The following FRMPD2 variants were observed in gnomAD, a reference collection of about 807,000 sequenced individuals.
The protein encoded by FRMPD2 is FERM and PDZ domain-containing protein 2.
Under a neutral mutation model 140.1 loss-of-function variants are expected in FRMPD2, and 96 were observed. That is an observed-to-expected ratio of 0.69 (90% CI 0.58 to 0.81). The LOEUF (loss-of-function observed/expected upper bound fraction) is 0.81, where lower values mean the gene tolerates loss of function less well. FRMPD2 is among the 40% of genes least tolerant of loss of function. The pLI, the probability that FRMPD2 is intolerant of heterozygous loss-of-function variation, is 0.00. For missense variants in FRMPD2, 1,240 were observed against 1,447.4 expected, an observed-to-expected ratio of 0.86 and a Z score of 2.32; for synonymous variants, 449 against 547.6, an observed-to-expected ratio of 0.82 and a Z score of 2.52.
At chr10:48,239,564 T>C in intron 7 of FRMPD2, 41 bp downstream of exon 7, 3 of 1,455,512 alleles carry the variant, frequency 2.1e-6, no homozygotes, top group South Asian at 1.2e-5. Context: ...CACCTATGTC[T>C]CACATCAAGT....
intron 20 of FRMPD2, among the ~76,000 whole-genome samples, chr10:48,183,748 A>C (rs917051028): frequency 3.5e-4 from 53 of 150,692 alleles, no homozygotes; most frequent in African/African-American, 1.1e-3. Flanking sequence ...GCTACTCAGG[A>C]GGCTGAGGCA....
In FRMPD2 at chr10:48,249,159, A is replaced by G. The variant is rs440943; in HGVS notation, c.171T>C (p.Val57=). 29,139 of 1,613,950 alleles carry G rather than the reference A, an allele frequency of 0.018. 4,268 individuals carry two copies. In the African/African-American group the frequency reaches 0.33, roughly 18 times the overall value. ...CAGAAAGCAGGGCTGACCAGGGGCA[A>G]ACCACATAGTCCGAGGAATCTGAAA... is the stretch of plus-strand genomic sequence containing the variant. ...DLRNDSSDYV[V]CPWSALLSAA... is the part of the protein sequence containing the mutation. Residue 57 remains valine (V), a synonymous_variant, in exon 3 of 29, where the codon GTT becomes GTC. Coordinates refer to ENST00000374201, the MANE Select transcript of FRMPD2 (RefSeq NM_001018071.4).
chr10:48,202,134 A>G (rs1393536344), intron 14 of FRMPD2, among the ~76,000 whole-genome samples: 3 of 152,206 alleles, frequency 2.0e-5, no homozygotes, highest in South Asian at 2.1e-4. Context: ...AATTTTTGCA[A>G]TATATTATTC....
At chr10:48,215,819 T>C (rs577569462) in intron 12 of FRMPD2, among the ~76,000 whole-genome samples, 1 of 152,252 alleles carries the variant, frequency 6.6e-6, no homozygotes, top group South Asian at 2.1e-4. Context: ...TAATGGAGTG[T>C]TGGTGCTGGT....
rs531666235 is a variant in FRMPD2, at chr10:48,235,821, TG to T, written c.993+660del. ...CAGATATGTTCTGGGGAGCTCAGGGTGAGACCAGCCACACATGGGGCTCTGC... is the reference window on the plus strand; with the variant it reads ...CAGATATGTTCTGGGGAGCTCAGGGTAGACCAGCCACACATGGGGCTCTGC... On this transcript the variant is annotated intron_variant, in intron 9 of 28. Coordinates refer to ENST00000374201, the MANE Select transcript of FRMPD2 (RefSeq NM_001018071.4). Among the ~76,000 whole-genome samples the T allele has an allele frequency of 7.2e-3, 1,098 of 152,106 alleles. 11 individuals are homozygous for T. Among genetic ancestry groups the T allele is most frequent in the Middle Eastern group, 0.027 (8 of 294 alleles).
chr10:48,178,227 A>G, intron 21 of FRMPD2, 76 bp from the exon 22 acceptor site: 8 of 1,081,626 alleles, frequency 7.4e-6, no homozygotes, highest in Non-Finnish European at 1.1e-5. Context: ...TGCTCTCAGG[A>G]GCAGGCAGCA....
chr10:48,192,173 GC>G (rs527520078), intron 16 of FRMPD2, among the ~76,000 whole-genome samples: 3 of 152,208 alleles, frequency 2.0e-5, no homozygotes, highest in Non-Finnish European at 4.4e-5. Flanking sequence ...TGAGAGGTTG[GC>G]CCTAGAGTGT....
chr10:48,273,650 A>G (rs1418123954), intron 1 of FRMPD2, among the ~76,000 whole-genome samples: 1 of 152,102 alleles, frequency 6.6e-6, no homozygotes, highest in East Asian at 1.9e-4. Flanking sequence ...TATCACCGCC[A>G]GTTTTCATGC....
chr10:48,237,376 C>G (rs1455092165), intron 8 of FRMPD2, among the ~76,000 whole-genome samples: 2 of 152,102 alleles, frequency 1.3e-5, no homozygotes, highest in Non-Finnish European at 2.9e-5. Flanking sequence ...CGCCCTCCAC[C>G]AAGTTCATGG....
At chr10:48,194,741 A>C (rs79251916) in intron 15 of FRMPD2, among the ~76,000 whole-genome samples, 2,466 of 152,226 alleles carry the variant, frequency 0.016, 66 homozygotes, top group African/African-American at 0.055. Flanking sequence ...CCTGGGTGTC[A>C]AGCACTCAGC....
chr10:48,242,352 G>A lies in FRMPD2; in HGVS notation c.376C>T (p.Pro126Ser), dbSNP rs1840139366. ...TGCAGGGGCTCGCAGAGCTGCAGGG[G>A]CTGGAGGCAGACAGGGCCGGTGAGA... ...SAGFHVPPHQ[P>S]LQLCEPLHSI... is the part of the protein sequence containing the mutation. Residue 126 changes from proline to serine, a missense_variant and splice_region_variant, in exon 5 of 29, where the codon CCC becomes TCC. Around this residue, in one of 6 missense-constraint regions of FRMPD2, gnomAD observed 1,161 missense variants for 1,055.9 expected, o/e 1.10. Coordinates refer to ENST00000374201, the MANE Select transcript of FRMPD2 (RefSeq NM_001018071.4). 1 of 1,611,586 alleles carries A rather than the reference G, an allele frequency of 6.2e-7. No homozygotes were observed. The highest frequency in any genetic ancestry group is 1.3e-5 in the African/African-American group (1 of 75,010).
chr10:48,271,856 C>T (rs770446014), intron 1 of FRMPD2, among the ~76,000 whole-genome samples: 1 of 152,196 alleles, frequency 6.6e-6, no homozygotes, highest in South Asian at 2.1e-4. Context: ...CCCACCTCAC[C>T]GTGGGCAAGT....
Position 48,227,157 on chromosome 10 carries a change from C to T in FRMPD2, c.1169-3887G>A, listed in dbSNP as rs116484252. Among the ~76,000 whole-genome samples, 731 of 152,278 alleles carry T rather than the reference C, an allele frequency of 4.8e-3. 8 individuals carry two copies. Among genetic ancestry groups the T allele is most frequent in the African/African-American group, 0.017 (692 of 41,548 alleles). On this transcript the variant is annotated intron_variant, in intron 10 of 28. Coordinates refer to ENST00000374201, the MANE Select transcript of FRMPD2 (RefSeq NM_001018071.4). ...TAAATTTGAATTGGCAGGAGAAAAA[C>T]ATTTGTAAGGTTGTTCTCTGAATTG...
At position 48,206,765 on chromosome 10, in the gene FRMPD2, C is replaced by A; in HGVS notation, c.1780G>T (p.Gly594Trp). 6.2e-7 allele frequency: 1 copy of A among 1,613,776 alleles called. No individual in the cohort carries two copies. The highest frequency in any genetic ancestry group is 8.5e-7 in the Non-Finnish European group (1 of 1,179,732). Residue 594 changes from glycine (G) to tryptophan (W), a missense_variant, in exon 14 of 29, where the codon GGG (glycine) becomes TGG (tryptophan). Gly to Trp is a radical substitution (Grantham distance 184). Transcript: ENST00000374201. ...ACACTCACATAAGTAGAAATCTTCC[C>A]GGTTTCTCTCCACTGAAACCGTAAC... ...AMLRFQWRET[G>W]KISTYQKKFT...
chr10:48,157,076 G>A lies in FRMPD2; in HGVS notation c.*246C>T, dbSNP rs1203649218. 1.7e-5 allele frequency: 8 copies of A among 463,930 alleles called. No individual in the cohort carries two copies. The East Asian group carries it at 3.7e-4, about 21-fold the overall frequency. 28.7% of individuals were successfully genotyped at this position (463,930 alleles called of 1,614,324 possible). A position where few individuals can be genotyped will look rare whatever the true frequency, so the allele number is the denominator to read the frequency against. Reference sequence around the variant, plus strand: ...GTGCAAAGATCAGGTCCTTTTCTGAGCACTGAAAATTTGCCTATTTAGAGA... The same window carrying A: ...GTGCAAAGATCAGGTCCTTTTCTGAACACTGAAAATTTGCCTATTTAGAGA... On this transcript the variant is annotated 3_prime_UTR_variant, in exon 29 of 29. Transcript: ENST00000374201.
chr10:48,201,376 CTT>C lies in FRMPD2; in HGVS notation c.1804_1805del (p.Lys602ValfsTer23). On this transcript the variant is annotated frameshift_variant, in exon 15 of 29. Transcript: ENST00000374201. LOFTEE classifies it high-confidence loss of function. ...CAGTGACACTGCTTGTGATGGTGAA[CTT>C]TTTTTGCTGAAGGAAGCAAACACAG... The part of the protein sequence containing the change: ...ETGKISTYQK[K>X]FTITSSVTGK... 1 of 1,613,276 alleles carries C rather than the reference CTT, an allele frequency of 6.2e-7. No individual in the cohort carries two copies. Among genetic ancestry groups the C allele is most frequent in the Non-Finnish European group, 8.5e-7 (1 of 1,179,554 alleles).
intron 1 of FRMPD2, among the ~76,000 whole-genome samples, chr10:48,261,792 A>T (rs1012521223): frequency 1.3e-5 from 2 of 152,162 alleles, no homozygotes; most frequent in African/African-American, 4.8e-5. Context: ...ATTATGCCTT[A>T]TAAATAAGTA....
chr10:48,240,070 C>A (rs1382561535), intron 6 of FRMPD2, among the ~76,000 whole-genome samples: 1 of 152,046 alleles, frequency 6.6e-6, no homozygotes, highest in Non-Finnish European at 1.5e-5. Flanking sequence ...TCAAGTTTTT[C>A]TTTTCTTGTT....
chr10:48,234,424 G>C (rs1839920219), intron 9 of FRMPD2, among the ~76,000 whole-genome samples: 1 of 152,214 alleles, frequency 6.6e-6, no homozygotes, highest in Non-Finnish European at 1.5e-5. Flanking sequence ...TTTCCCACGG[G>C]ACAGCCATGC....
Sources: allele counts gnomAD v4.1 joint callset (sites outside exome capture counted in the v4.1 genomes callset), GRCh38; gene constraint gnomAD v4.1.1; regional missense constraint gnomAD v4.1.1; transcripts MANE v1.5; gene names NCBI Gene and HGNC (gene_info 2026-07-23, HGNC 2026-07-21).